Variants in CDH9 observed in about 807,000 individuals in gnomAD.
CDH9 encodes the protein cadherin-9.
CDH9 carries 28 observed loss-of-function variants against 70.9 expected under a neutral mutation model. The observed-to-expected ratio is 0.40, with a 90% CI of 0.29 to 0.54. CDH9 has a LOEUF of 0.54. CDH9 is among the 20% of genes least tolerant of loss of function. The pLI is 0.59. For synonymous variants in CDH9, 409 were observed against 343.1 expected, an observed-to-expected ratio of 1.19 and a Z score of -2.12; for missense variants, 874 against 984.4, an observed-to-expected ratio of 0.89 and a Z score of 1.50.
intron 2 of CDH9, among the ~76,000 whole-genome samples, chr5:26,951,444 A>T (rs1178705643): frequency 6.6e-6 from 1 of 152,058 alleles, no homozygotes; most frequent in African/African-American, 2.4e-5. Context: ...TCCCCACTTT[A>T]GGGTTGCTTT....
intron 2 of CDH9, among the ~76,000 whole-genome samples, chr5:26,926,925 C>G (rs553166133): frequency 7.0e-6 from 1 of 141,996 alleles, no homozygotes; most frequent in Admixed American, 7.1e-5. Flanking sequence ...CAGCCCCCCC[C>G]CGCAAAAAAA....
At chr5:26,947,912 G>C (rs1458929854) in intron 2 of CDH9, among the ~76,000 whole-genome samples, 1 of 152,118 alleles carries the variant, frequency 6.6e-6, no homozygotes. Context: ...AAGATGTAGG[G>C]TTGCCTTGCT....
At chr5:27,030,098 G>C (rs1489428997) in intron 1 of CDH9, among the ~76,000 whole-genome samples, 2 of 151,972 alleles carry the variant, frequency 1.3e-5, no homozygotes, top group African/African-American at 4.8e-5. Flanking sequence ...TCATGCAACT[G>C]TATACCTGCA....
At chr5:27,011,117 A>G (rs1229503835) in intron 1 of CDH9, among the ~76,000 whole-genome samples, 1 of 152,084 alleles carries the variant, frequency 6.6e-6, no homozygotes, top group Non-Finnish European at 1.5e-5. Flanking sequence ...GGAGAAGTGC[A>G]ATCAAGACTA....
chr5:26,936,047 A>G (rs1029891947), intron 2 of CDH9, among the ~76,000 whole-genome samples: 3 of 152,118 alleles, frequency 2.0e-5, no homozygotes, highest in Non-Finnish European at 2.9e-5. Flanking sequence ...GGGCTAAGCT[A>G]TAAGGATGTG....
intron 2 of CDH9, among the ~76,000 whole-genome samples, chr5:26,933,344 T>A (rs1433189484): frequency 6.6e-6 from 1 of 151,676 alleles, no homozygotes; most frequent in Non-Finnish European, 1.5e-5. Flanking sequence ...AAATATTTGT[T>A]TTTGTTAAGT....
intron 1 of CDH9, among the ~76,000 whole-genome samples, chr5:27,032,138 T>C (rs1743320140): frequency 6.6e-6 from 1 of 151,696 alleles, no homozygotes; most frequent in Non-Finnish European, 1.5e-5. Flanking sequence ...GATAAAAACT[T>C]TCCATTTTAA....
chr5:27,024,824 T>G (rs1276733531), intron 1 of CDH9, among the ~76,000 whole-genome samples: 1 of 152,084 alleles, frequency 6.6e-6, no homozygotes, highest in Non-Finnish European at 1.5e-5. Context: ...AGAGTTGATT[T>G]CTACTCTGTA....
chr5:27,009,170 T>C (rs988052226), intron 1 of CDH9, among the ~76,000 whole-genome samples: 3 of 152,118 alleles, frequency 2.0e-5, no homozygotes, highest in East Asian at 1.9e-4. Context: ...CAAGTTCAAA[T>C]TGAAGGATTT....
intron 1 of CDH9, among the ~76,000 whole-genome samples, chr5:27,019,250 A>G (rs1420545416): frequency 6.6e-6 from 1 of 152,038 alleles, no homozygotes; most frequent in Non-Finnish European, 1.5e-5. Context: ...ATTACAGATG[A>G]GACTATAGCA....
chr5:27,034,819 T>G (rs1339884371), intron 1 of CDH9, among the ~76,000 whole-genome samples: 1 of 151,648 alleles, frequency 6.6e-6, no homozygotes, highest in East Asian at 1.9e-4. Context: ...TAGGGATAAG[T>G]GCATTAACAT....
chr5:26,951,635 A>T (rs1741847394), intron 2 of CDH9, among the ~76,000 whole-genome samples: 1 of 152,132 alleles, frequency 6.6e-6, no homozygotes, highest in Non-Finnish European at 1.5e-5. Flanking sequence ...TTCTACAGAG[A>T]TCTGGGGAGC....
chr5:26,931,244 C>T (rs779017000), intron 2 of CDH9, among the ~76,000 whole-genome samples: 11 of 151,932 alleles, frequency 7.2e-5, no homozygotes, highest in Admixed American at 2.6e-4. Context: ...AATCCTGCTG[C>T]GAGGAGAAAA....
intron 6 of CDH9, 54 bp from the exon 7 acceptor site, chr5:26,902,783 A>G (rs2111988024): frequency 9.2e-7 from 1 of 1,083,278 alleles, no homozygotes. Context: ...TATGACAATG[A>G]AAGACGATTT....
Position 27,032,916 on chromosome 5 carries a change from GATA to G in CDH9, c.-50+5544_-50+5546del, listed in dbSNP as rs139252087. 2.6e-5 allele frequency among the ~76,000 whole-genome samples: 4 copies of G among 150,956 alleles called. 1 individual carries two copies. The East Asian group carries it at 5.9e-4, about 22-fold the overall frequency. ...TAAAATTATAATAATTTTATTTCCT[GATA>G]ATAATTATCTACTTTTTGTCTAAAC... On this transcript the variant is annotated intron_variant, in intron 1 of 11. Coordinates refer to ENST00000231021, the MANE Select transcript of CDH9 (RefSeq NM_016279.4).
intron 1 of CDH9, among the ~76,000 whole-genome samples, chr5:27,009,681 G>A (rs949690175): frequency 6.6e-6 from 1 of 152,008 alleles, no homozygotes; most frequent in Non-Finnish European, 1.5e-5. Context: ...GAAATTGATG[G>A]CCCTGAGGTT....
chr5:26,990,707 G>C (rs2112094478), intron 1 of CDH9, among the ~76,000 whole-genome samples: 1 of 152,294 alleles, frequency 6.6e-6, no homozygotes, highest in Non-Finnish European at 1.5e-5. Context: ...TGAACAGCCA[G>C]AGAATCTCAA....
At chr5:26,903,456 T>C (rs776268402) in intron 6 of CDH9, 181 bp downstream of exon 6, 9 of 694,318 alleles carry the variant, frequency 1.3e-5, no homozygotes, top group South Asian at 9.1e-5. Flanking sequence ...AGGTTTTAAG[T>C]GTCAATTATG....
chr5:27,010,474 A>G (rs548077345), intron 1 of CDH9, among the ~76,000 whole-genome samples: 1 of 152,224 alleles, frequency 6.6e-6, no homozygotes, highest in African/African-American at 2.4e-5. Flanking sequence ...CATCTTGCCA[A>G]TAATTTGTCA....
Sources: allele counts gnomAD v4.1 joint callset (sites outside exome capture counted in the v4.1 genomes callset), GRCh38; gene constraint gnomAD v4.1.1; transcripts MANE v1.5; gene names NCBI Gene and HGNC (gene_info 2026-07-23, HGNC 2026-07-21).